SLC4A5: variants seen among roughly 807,000 people sequenced by gnomAD.
SLC4A5 encodes the protein electrogenic sodium bicarbonate cotransporter 4.
In SLC4A5, 96 loss-of-function variants were observed where a neutral mutation model predicts 120.4. The ratio of observed to expected loss-of-function variants is 0.80; its 90% confidence interval spans 0.68 to 0.94. The LOEUF (loss-of-function observed/expected upper bound fraction) is 0.94. SLC4A5 is among the 40% of genes least tolerant of loss of function. SLC4A5 has a pLI of 0.00. For missense variants in SLC4A5, 1,259 were observed against 1,459.5 expected, an observed-to-expected ratio of 0.86 and a Z score of 2.24; for synonymous variants, 550 against 571.1, an observed-to-expected ratio of 0.96 and a Z score of 0.53.
intron 6 of SLC4A5, chr2:74,307,559 C>G (rs1672683004): frequency 6.1e-6 from 4 of 653,942 alleles, no homozygotes; most frequent in South Asian, 5.5e-5. Context: ...TGTCGATCTG[C>G]ACAATGTGGG....
chr2:74,293,936 G>T (rs938932684), intron 7 of SLC4A5, among the ~76,000 whole-genome samples: 1 of 152,174 alleles, frequency 6.6e-6, no homozygotes, highest in Non-Finnish European at 1.5e-5. Flanking sequence ...ATTAAGCCTA[G>T]TCATGTGAAA....
intron 1 of SLC4A5, 148 bp from the exon 2 acceptor site, chr2:74,342,682 G>A (rs1673653552): frequency 6.6e-6 from 1 of 152,196 alleles, no homozygotes. Flanking sequence ...TGATACATAA[G>A]AGCTATGCAG....
chr2:74,314,886 C>T, intron 6 of SLC4A5, 59 bp downstream of exon 6: 1 of 1,454,196 alleles, frequency 6.9e-7, no homozygotes. Context: ...GTCATAAAGA[C>T]ATTCAGAGAA....
intron 10 of SLC4A5, among the ~76,000 whole-genome samples, 155 bp downstream of exon 10, chr2:74,263,992 G>A (rs946345104): frequency 3.9e-5 from 6 of 152,228 alleles, no homozygotes; most frequent in African/African-American, 1.4e-4. Flanking sequence ...TGTGGCTGGG[G>A]TCCCCACAGG....
At chr2:74,262,360 ATTC>A (rs1347206242) in intron 10 of SLC4A5, 128 bp from the exon 11 acceptor site, 7 of 536,542 alleles carry the variant, frequency 1.3e-5, no homozygotes, top group South Asian at 3.2e-5. Flanking sequence ...CTGGGAAGAA[ATTC>A]TTTTTTTTTT....
intron 20 of SLC4A5, among the ~76,000 whole-genome samples, chr2:74,240,546 T>C (rs559953291): frequency 1.1e-3 from 167 of 152,100 alleles, no homozygotes; most frequent in Non-Finnish European, 1.9e-3. Flanking sequence ...ATTCTGTTCT[T>C]TCTCTCTCAA....
intron 1 of SLC4A5, among the ~76,000 whole-genome samples, chr2:74,342,853 T>C (rs1454646121): frequency 6.6e-6 from 1 of 152,192 alleles, no homozygotes; most frequent in Non-Finnish European, 1.5e-5. Context: ...AGTCTCATGT[T>C]TTCTGGACTC....
chr2:74,252,577 TTTTTAAACTTA>T (rs1446457433), intron 15 of SLC4A5, among the ~76,000 whole-genome samples, 189 bp from the exon 16 acceptor site: 1 of 152,234 alleles, frequency 6.6e-6, no homozygotes, highest in African/African-American at 2.4e-5. Flanking sequence ...TATCTTATTA[TTTTTAAACTTA>T]TTTTAAACAT....
chr2:74,297,856 G>T (rs1672378070), intron 7 of SLC4A5, among the ~76,000 whole-genome samples: 1 of 152,144 alleles, frequency 6.6e-6, no homozygotes, highest in African/African-American at 2.4e-5. Flanking sequence ...AACTGCTATG[G>T]CCTATTATTT....
intron 3 of SLC4A5, among the ~76,000 whole-genome samples, chr2:74,335,047 G>A (rs1453630890): frequency 6.6e-6 from 1 of 152,282 alleles, no homozygotes; most frequent in East Asian, 1.9e-4. Flanking sequence ...CTGGAGGTCT[G>A]CAGTGGAGTC....
Position 74,255,824 on chromosome 2 carries a change from T to A in SLC4A5, c.976A>T (p.Ile326Phe). The change falls in exon 13 of 31, where the codon ATC (isoleucine) becomes TTC (phenylalanine). Residue 326 changes from isoleucine to phenylalanine, a missense_variant. Ile to Phe is a conservative substitution (Grantham distance 21). Coordinates refer to ENST00000394019, the Ensembl canonical transcript of SLC4A5. The surrounding 1 kb of genome is among the most constrained non-coding windows in gnomAD (Gnocchi z 4.0). ...ACTCCTCCCAGCATGGCCGACTGGA[T>A]GAGGCGCACGAACGCGATGAATGGC... 1 of 1,614,188 alleles carries A rather than the reference T, an allele frequency of 6.2e-7. No individual in the cohort carries two copies. The highest frequency in any genetic ancestry group is 8.5e-7 in the Non-Finnish European group (1 of 1,180,034).
rs371755337 is a variant in SLC4A5 at position 74,252,433 on chromosome 2, C to G, written c.1269-45G>C. On this transcript the variant is annotated intron_variant, in intron 15 of 30. Transcript: ENST00000394019. ...AAGGAGAGTGGGTCCCCCAGAGCAC[C>G]CCTCACCTCTCCAACCAAAATTATG... The G allele has an allele frequency of 5.8e-5, 92 of 1,576,070 alleles. No homozygotes were observed. In the African/African-American group the frequency reaches 9.4e-4, roughly 16 times the overall value.
intron 6 of SLC4A5, among the ~76,000 whole-genome samples, chr2:74,313,597 T>G (rs1672874594): frequency 6.6e-6 from 1 of 152,176 alleles, no homozygotes; most frequent in Admixed American, 6.5e-5. Context: ...GAAGTGGAGA[T>G]TCTTATGAAG....
At chr2:74,291,783 T>C (rs149409608) in intron 7 of SLC4A5, among the ~76,000 whole-genome samples, 14 of 152,260 alleles carry the variant, frequency 9.2e-5, no homozygotes, top group Non-Finnish European at 1.9e-4. Context: ...AGTATGCCCG[T>C]TTTAAAGCTG....
exon 14 of SLC4A5, chr2:74,254,690 G>C (rs200346496): frequency 1.2e-6 from 2 of 1,613,634 alleles, no homozygotes; most frequent in Admixed American, 1.7e-5. Context: ...GAAGGTCCCA[G>C]TAGTATAAAC....
chr2:74,335,952 A>G (rs900635685), intron 3 of SLC4A5, among the ~76,000 whole-genome samples: 10 of 152,244 alleles, frequency 6.6e-5, no homozygotes, highest in African/African-American at 2.4e-4. Flanking sequence ...AATCATGGCT[A>G]AAGTATGAGC....
At chr2:74,253,073 A>G (rs1178568291) in exon 15 of SLC4A5, 36 of 1,614,204 alleles carry the variant, frequency 2.2e-5, no homozygotes, top group Non-Finnish European at 3.1e-5. Flanking sequence ...AAATTCATCA[A>G]TTCCTGCGAT....
chr2:74,217,371 G>A (rs1694476927), exon 31 of SLC4A5: 1 of 152,148 alleles, frequency 6.6e-6, no homozygotes, highest in Admixed American at 6.5e-5. Flanking sequence ...AGTTTCATGA[G>A]GAATAGGTTT....
intron 19 of SLC4A5, among the ~76,000 whole-genome samples, chr2:74,246,807 G>T (rs1260929107): frequency 6.6e-6 from 1 of 152,152 alleles, no homozygotes; most frequent in Non-Finnish European, 1.5e-5. Flanking sequence ...CTCCTTCCTA[G>T]GATATCCCTG....
Sources: allele counts gnomAD v4.1 joint callset (sites outside exome capture counted in the v4.1 genomes callset), GRCh38; gene constraint gnomAD v4.1.1; non-coding constraint Gnocchi (gnomAD v3.1); transcripts MANE v1.5; gene names NCBI Gene and HGNC (gene_info 2026-07-23, HGNC 2026-07-21).